Variants in GPC6 observed in about 807,000 individuals in gnomAD.
GPC6 encodes glypican-6.
In GPC6, 14 loss-of-function variants were observed where a neutral mutation model predicts 55.2. That is an observed-to-expected ratio of 0.25 (90% CI 0.17 to 0.40). The LOEUF (loss-of-function observed/expected upper bound fraction) is 0.40, where lower values mean the gene tolerates loss of function less well. GPC6 is among the 10% of genes least tolerant of loss of function. The probability of loss-of-function intolerance (pLI) is 1.00; values close to 1 mark genes in which losing one functional copy is unlikely to be tolerated. For missense variants in GPC6, 641 were observed against 708.5 expected (o/e 0.90, Z 1.08); for synonymous variants, 278 against 259.6 (o/e 1.07, Z -0.68).
intron 4 of GPC6, among the ~76,000 whole-genome samples, chr13:94,220,509 AT>A (rs922739680): frequency 6.6e-6 from 1 of 151,276 alleles, no homozygotes; most frequent in Non-Finnish European, 1.5e-5. Context: ...GAGCCGATCT[AT>A]TTTTTTTTCC....
chr13:93,854,798 A>G (rs1888538558), intron 3 of GPC6, among the ~76,000 whole-genome samples: 1 of 151,772 alleles, frequency 6.6e-6, no homozygotes, highest in Admixed American at 6.6e-5. Context: ...TGAATAGTCT[A>G]TCCTTAAGAT....
rs144068907 is a variant in GPC6, at chr13:93,763,870, C to T, written c.320-66284C>T. Among the ~76,000 whole-genome samples, 57 of 152,010 alleles carry T rather than the reference C, an allele frequency of 3.7e-4. No homozygotes were observed. In the East Asian group the frequency reaches 0.01, roughly 28 times the overall value. On this transcript the variant is annotated intron_variant, in intron 2 of 8. Coordinates refer to ENST00000377047, the MANE Select transcript of GPC6 (RefSeq NM_005708.5). The stretch of plus-strand genomic sequence containing the variant: ...AGGCCATGCTTCACCCTGCAAGACT[C>T]TCTCCTTTATCCCATTCCATAAATA...
intron 2 of GPC6, among the ~76,000 whole-genome samples, chr13:93,735,611 G>T (rs140793354): frequency 4.0e-4 from 61 of 152,212 alleles, no homozygotes; most frequent in Admixed American, 1.4e-3. Flanking sequence ...TCTTTGCCAG[G>T]TTAGTCATGA....
chr13:93,841,440 A>T (rs556504069), intron 3 of GPC6, among the ~76,000 whole-genome samples: 103 of 152,296 alleles, frequency 6.8e-4, no homozygotes, highest in African/African-American at 2.4e-3. Context: ...TATTTGCATT[A>T]TACCTCTTCA....
intron 4 of GPC6, among the ~76,000 whole-genome samples, chr13:94,053,589 TCA>T (rs572109218): frequency 2.8e-4 from 43 of 152,248 alleles, no homozygotes; most frequent in African/African-American, 8.7e-4. Context: ...CTGAGAACAA[TCA>T]CACTTGTCCC....
chr13:94,322,560 C>A (rs1446145475), intron 6 of GPC6, among the ~76,000 whole-genome samples: 1 of 151,926 alleles, frequency 6.6e-6, no homozygotes. Flanking sequence ...CTGTTTTCAG[C>A]CCAGTTAAAA....
intron 1 of GPC6, among the ~76,000 whole-genome samples, chr13:93,426,612 C>T (rs1487626219): frequency 6.6e-6 from 1 of 151,896 alleles, no homozygotes; most frequent in East Asian, 1.9e-4. Flanking sequence ...GTATATGTGC[C>T]ACATTTTCTT....
At chr13:93,882,052 C>T (rs1174507683) in intron 3 of GPC6, among the ~76,000 whole-genome samples, 1 of 150,950 alleles carries the variant, frequency 6.6e-6, no homozygotes, top group Admixed American at 6.6e-5. Context: ...ACTTTCTCCT[C>T]CCTCCCTCCT....
At chr13:93,418,338 A>G (rs77465510) in intron 1 of GPC6, among the ~76,000 whole-genome samples, 3,037 of 151,444 alleles carry the variant, frequency 0.02, 117 homozygotes, top group African/African-American at 0.069. Flanking sequence ...ATCATTAACT[A>G]TACCCTATTT....
intron 6 of GPC6, among the ~76,000 whole-genome samples, chr13:94,357,699 G>A (rs537307307): frequency 2.6e-5 from 4 of 152,264 alleles, no homozygotes; most frequent in Admixed American, 2.0e-4. Flanking sequence ...TTACTGTGGT[G>A]TAAGTGCCCT....
intron 3 of GPC6, among the ~76,000 whole-genome samples, chr13:93,905,277 T>C (rs1265959961): frequency 6.6e-6 from 1 of 152,144 alleles, no homozygotes; most frequent in Non-Finnish European, 1.5e-5. Context: ...CTCTATATTC[T>C]TGGATAAGTA....
intron 1 of GPC6, among the ~76,000 whole-genome samples, chr13:93,509,259 T>A (rs1880852412): frequency 6.6e-6 from 1 of 152,206 alleles, no homozygotes; most frequent in Non-Finnish European, 1.5e-5. Flanking sequence ...AGGCAACAAG[T>A]CAGGTGATGA....
chr13:94,180,276 C>G (rs780414096), intron 4 of GPC6, among the ~76,000 whole-genome samples: 1 of 152,154 alleles, frequency 6.6e-6, no homozygotes, highest in African/African-American at 2.4e-5. Context: ...CTAAACTGTA[C>G]GTGAACACTA....
At chr13:93,834,175 G>A (rs1412002443) in intron 3 of GPC6, among the ~76,000 whole-genome samples, 1 of 152,170 alleles carries the variant, frequency 6.6e-6, no homozygotes, top group Non-Finnish European at 1.5e-5. Flanking sequence ...AATTAGACGT[G>A]TAGAAGAGTG....
At chr13:93,877,694 G>A (rs1874672100) in intron 3 of GPC6, among the ~76,000 whole-genome samples, 1 of 152,072 alleles carries the variant, frequency 6.6e-6, no homozygotes, top group South Asian at 2.1e-4. Flanking sequence ...ATAACAATCA[G>A]TATTTCAAAG....
chr13:94,120,760 C>T (rs1413516813), intron 4 of GPC6, among the ~76,000 whole-genome samples: 1 of 151,986 alleles, frequency 6.6e-6, no homozygotes, highest in East Asian at 1.9e-4. Context: ...AAGACAAACA[C>T]TAAGATGTGG....
At chr13:94,020,041 T>C (rs1456748609) in intron 3 of GPC6, among the ~76,000 whole-genome samples, 1 of 152,126 alleles carries the variant, frequency 6.6e-6, no homozygotes, top group Non-Finnish European at 1.5e-5. Flanking sequence ...ATCTTTATTA[T>C]TTCTTTTCTT....
At chr13:94,351,129 T>C (rs1187199831) in intron 6 of GPC6, among the ~76,000 whole-genome samples, 1 of 152,086 alleles carries the variant, frequency 6.6e-6, no homozygotes, top group Non-Finnish European at 1.5e-5. Flanking sequence ...TTGAAAGCAA[T>C]ACTGAAAAGA....
At chr13:93,285,616 CTGTG>C (rs754671051) in intron 1 of GPC6, among the ~76,000 whole-genome samples, 24,912 of 103,192 alleles carry the variant, frequency 0.24, 1,977 homozygotes, top group East Asian at 0.31. Context: ...GTATATACTG[CTGTG>C]TGTGTGTGTG....
Sources: allele counts gnomAD v4.1 joint callset (sites outside exome capture counted in the v4.1 genomes callset), GRCh38; gene constraint gnomAD v4.1.1; transcripts MANE v1.5; gene names NCBI Gene and HGNC (gene_info 2026-07-23, HGNC 2026-07-21).